SPAG16: variants seen among roughly 807,000 people sequenced by gnomAD.
SPAG16 encodes the protein sperm associated antigen 16.
In SPAG16, 86 loss-of-function variants were observed where a neutral mutation model predicts 80.4. The ratio of observed to expected loss-of-function variants is 1.07; its 90% confidence interval spans 0.90 to 1.28. The LOEUF (loss-of-function observed/expected upper bound fraction) is 1.28. SPAG16 is among the 50% of genes most tolerant of loss of function. SPAG16 has a pLI of 0.00. For missense variants in SPAG16, 870 were observed against 765.3 expected (o/e 1.14, Z -1.61); for synonymous variants, 294 against 265.9 (o/e 1.11, Z -1.03).
intron 9 of SPAG16, among the ~76,000 whole-genome samples, chr2:213,399,299 G>A (rs533559367): frequency 6.6e-6 from 1 of 151,812 alleles, no homozygotes; most frequent in African/African-American, 2.4e-5. Flanking sequence ...GTTTTCCTTT[G>A]ATATTTAAAG....
intron 10 of SPAG16, among the ~76,000 whole-genome samples, chr2:213,527,357 T>G (rs1419484688): frequency 6.6e-6 from 1 of 152,210 alleles, no homozygotes; most frequent in East Asian, 1.9e-4. Flanking sequence ...TCATATGCTT[T>G]GCAGCTTCTA....
At chr2:213,591,612 G>T (rs1485474455) in intron 10 of SPAG16, among the ~76,000 whole-genome samples, 10 of 152,154 alleles carry the variant, frequency 6.6e-5, no homozygotes, top group Non-Finnish European at 1.2e-4. Context: ...ATCATGATAG[G>T]TATAGAAACC....
chr2:214,162,629 A>G (rs1034000800), intron 15 of SPAG16, among the ~76,000 whole-genome samples: 2 of 152,140 alleles, frequency 1.3e-5, no homozygotes, highest in Non-Finnish European at 2.9e-5. Context: ...TCAAACCAAT[A>G]GACACATCAT....
At chr2:214,149,445 G>C (rs953769514) in intron 15 of SPAG16, among the ~76,000 whole-genome samples, 179 bp downstream of exon 15, 1 of 151,854 alleles carries the variant, frequency 6.6e-6, no homozygotes. Context: ...TCATATGAAA[G>C]AATTATATTC....
At chr2:214,312,742 A>C (rs1695421781) in intron 15 of SPAG16, among the ~76,000 whole-genome samples, 1 of 152,160 alleles carries the variant, frequency 6.6e-6, no homozygotes, top group Admixed American at 6.5e-5. Flanking sequence ...TATCCTTAGA[A>C]TACAACAGTG....
chr2:214,247,222 C>T (rs761222811), intron 15 of SPAG16, among the ~76,000 whole-genome samples: 4 of 151,720 alleles, frequency 2.6e-5, no homozygotes, highest in Non-Finnish European at 4.4e-5. Flanking sequence ...TTGTTAAGTG[C>T]GACTGAGATG....
chr2:214,193,667 C>T (rs770513845), intron 15 of SPAG16, among the ~76,000 whole-genome samples: 1 of 151,956 alleles, frequency 6.6e-6, no homozygotes, highest in South Asian at 2.1e-4. Context: ...AAATGTGTGT[C>T]AAGTTGCTGA....
chr2:213,644,508 A>G (rs2062746607), intron 10 of SPAG16, among the ~76,000 whole-genome samples: 1 of 152,176 alleles, frequency 6.6e-6, no homozygotes, highest in African/African-American at 2.4e-5. Flanking sequence ...CTTTCCAGAT[A>G]CTTGGAAGGA....
chr2:213,723,431 G>C (rs2066616114), intron 10 of SPAG16, among the ~76,000 whole-genome samples: 1 of 152,308 alleles, frequency 6.6e-6, no homozygotes, highest in East Asian at 1.9e-4. Context: ...TGTCTCATTT[G>C]CTTCTGAAGT....
At chr2:214,145,950 T>C (rs1337476825) in intron 14 of SPAG16, among the ~76,000 whole-genome samples, 1 of 152,090 alleles carries the variant, frequency 6.6e-6, no homozygotes, top group Admixed American at 6.6e-5. Context: ...CAATCATAGC[T>C]CTCAATCTGA....
At chr2:214,307,643 A>G (rs897622524) in intron 15 of SPAG16, among the ~76,000 whole-genome samples, 5 of 152,114 alleles carry the variant, frequency 3.3e-5, no homozygotes, top group Non-Finnish European at 5.9e-5. Flanking sequence ...TCTTAATTTC[A>G]TTATTTACCC....
chr2:214,209,191 C>T (rs1232403109), intron 15 of SPAG16, among the ~76,000 whole-genome samples: 2 of 152,088 alleles, frequency 1.3e-5, no homozygotes, highest in East Asian at 3.9e-4. Context: ...AGGGTCCCTT[C>T]ACCCACTATG....
At chr2:213,448,964 G>A (rs982157462) in intron 9 of SPAG16, among the ~76,000 whole-genome samples, 1 of 152,136 alleles carries the variant, frequency 6.6e-6, no homozygotes, top group African/African-American at 2.4e-5. Context: ...GGGCAAAAAG[G>A]GCCATATTTT....
At chr2:213,716,753 G>A (rs929694062) in intron 10 of SPAG16, among the ~76,000 whole-genome samples, 3 of 152,078 alleles carry the variant, frequency 2.0e-5, no homozygotes, top group African/African-American at 7.2e-5. Flanking sequence ...TGGCTACTCT[G>A]TCATCAGTGT....
rs11326151 is a variant in SPAG16, at chr2:213,369,588, ATT to A, written c.833-5412_833-5411del. Among the ~76,000 whole-genome samples, 10 of 150,250 alleles carry A rather than the reference ATT, an allele frequency of 6.7e-5. No homozygotes were observed. In the South Asian group the frequency reaches 8.4e-4, roughly 13 times the overall value. On this transcript the variant is annotated intron_variant, in intron 8 of 15. Coordinates refer to ENST00000331683, the MANE Select transcript of SPAG16 (RefSeq NM_024532.5). ...CTGTGTTTACTTTTAGGCAAAGAGG[ATT>A]TTTTTTTTTGGCTCAGATAGCTAGA...
intron 13 of SPAG16, among the ~76,000 whole-genome samples, chr2:214,045,157 G>A (rs538530955): frequency 1.0e-3 from 152 of 152,232 alleles, no homozygotes; most frequent in Middle Eastern, 3.4e-3. Flanking sequence ...GGAGAGCAGA[G>A]GGAATAATAA....
intron 4 of SPAG16, among the ~76,000 whole-genome samples, chr2:213,311,701 G>C (rs1372515547): frequency 6.6e-6 from 1 of 151,402 alleles, no homozygotes; most frequent in Non-Finnish European, 1.5e-5. Context: ...ACATTGTATT[G>C]AATACCTTAT....
intron 10 of SPAG16, among the ~76,000 whole-genome samples, chr2:213,604,956 T>C (rs2061202604): frequency 6.7e-6 from 1 of 149,258 alleles, no homozygotes; most frequent in Non-Finnish European, 1.5e-5. Flanking sequence ...TTATATTAAA[T>C]ACAAAACTTT....
chr2:213,407,478 G>A lies in SPAG16; in HGVS notation c.942+32359G>A, dbSNP rs547882946. ...CTAGTGTTGAGGGGTTGAGCCTTCC[G>A]CTAATTTCAAGGGTTGAACTTGACA... On this transcript the variant is annotated intron_variant, in intron 9 of 15. Transcript: ENST00000331683. Among the ~76,000 whole-genome samples the A allele has an allele frequency of 4.6e-5, 7 of 152,002 alleles. No homozygotes were observed. In the East Asian group the frequency reaches 9.7e-4, roughly 21 times the overall value.
Sources: allele counts gnomAD v4.1 joint callset (sites outside exome capture counted in the v4.1 genomes callset), GRCh38; gene constraint gnomAD v4.1.1; transcripts MANE v1.5; gene names NCBI Gene and HGNC (gene_info 2026-07-23, HGNC 2026-07-21).